RACGAP1: variants seen among roughly 807,000 people sequenced by gnomAD.
RACGAP1 encodes Rac GTPase activating protein 1.
In RACGAP1, 30 loss-of-function variants were observed where a neutral mutation model predicts 78.1. The ratio of observed to expected loss-of-function variants is 0.38; its 90% confidence interval spans 0.29 to 0.52. The LOEUF is 0.52. Ranked by LOEUF, RACGAP1 falls within the 20% of genes least tolerant of loss-of-function variation. RACGAP1 has a pLI of 0.82. For synonymous variants in RACGAP1, 231 were observed against 264.8 expected (o/e 0.87, Z 1.24); for missense variants, 587 against 777.1 (o/e 0.76, Z 2.91).
chr12:49,992,448 A>G, intron 13 of RACGAP1, 71 bp from the exon 14 acceptor site: 1 of 1,588,058 alleles, frequency 6.3e-7, no homozygotes, highest in Non-Finnish European at 8.6e-7. Flanking sequence ...AAATTCTATA[A>G]GAAAACAATT....
At chr12:49,994,371 AAC>A in intron 11 of RACGAP1, 41 bp downstream of exon 11, 1 of 1,612,868 alleles carries the variant, frequency 6.2e-7, no homozygotes, top group Non-Finnish European at 8.5e-7. Context: ...CCTCCGAATT[AAC>A]ACAAATAACA....
chr12:50,012,995 G>A (rs943409988), intron 2 of RACGAP1, among the ~76,000 whole-genome samples: 36 of 147,554 alleles, frequency 2.4e-4, no homozygotes, highest in African/African-American at 8.2e-4. Flanking sequence ...CCTGGGAGGC[G>A]GAGGTTGCAG....
intron 15 of RACGAP1, 62 bp from the exon 16 acceptor site, chr12:49,990,854 CT>C (rs1427002523): frequency 7.5e-7 from 1 of 1,326,612 alleles, no homozygotes. Flanking sequence ...TTTTAGATGG[CT>C]AGTTTTAAGC....
chr12:50,023,823 C>T (rs1950133500), intron 1 of RACGAP1, among the ~76,000 whole-genome samples: 1 of 152,156 alleles, frequency 6.6e-6, no homozygotes, highest in African/African-American at 2.4e-5. Flanking sequence ...AAAAATGGAA[C>T]TACCATTCAA....
rs76733686 is a variant in RACGAP1 at position 50,002,103 on chromosome 12, T to C, written c.549+144A>G. 1.9e-3 allele frequency: 901 copies of C among 478,464 alleles called. 23 individuals are homozygous for C. The East Asian group carries it at 0.03, about 16-fold the overall frequency. 29.6% of individuals were successfully genotyped at this position (478,464 alleles called of 1,614,324 possible). On this transcript the variant is annotated intron_variant, in intron 6 of 16. Coordinates refer to ENST00000312377, the MANE Select transcript of RACGAP1 (RefSeq NM_001319999.2). ...AAAAAAAAAAAAAGAATATCAATAC[T>C]GTCCCCACAGCATGAATTCATCTGT...
chr12:49,990,589 A>G, intron 16 of RACGAP1, 95 bp downstream of exon 16: 1 of 1,040,490 alleles, frequency 9.6e-7, no homozygotes, highest in Non-Finnish European at 1.4e-6. Flanking sequence ...GCTAGCTAAA[A>G]TCGAATGCAA....
At chr12:50,032,194 G>A (rs1204462069) in intron 1 of RACGAP1, among the ~76,000 whole-genome samples, 3 of 152,046 alleles carry the variant, frequency 2.0e-5, no homozygotes, top group East Asian at 1.9e-4. Context: ...TAGGGTTGTC[G>A]AGAGGAATAA....
At chr12:49,991,480 T>TATATATATATGTA (rs1555169073) in intron 15 of RACGAP1, among the ~76,000 whole-genome samples, 1 of 13,268 alleles carries the variant, frequency 7.5e-5, no homozygotes, top group Non-Finnish European at 1.7e-4. Flanking sequence ...TATATATATA[T>TATATATATATGTA]TTTTTTTTTT....
intron 9 of RACGAP1, among the ~76,000 whole-genome samples, chr12:49,998,710 G>A (rs1389862061): frequency 2.6e-5 from 4 of 152,080 alleles, no homozygotes; most frequent in Admixed American, 2.6e-4. Context: ...ACCAGCCTGA[G>A]CAACATAGCA....
chr12:50,023,506 G>A (rs746972866), intron 1 of RACGAP1, among the ~76,000 whole-genome samples: 18 of 152,210 alleles, frequency 1.2e-4, no homozygotes, highest in Admixed American at 2.6e-4. Flanking sequence ...GGCCAAGGCA[G>A]TCTGATCACT....
chr12:50,004,550 G>C (rs1306101443), intron 4 of RACGAP1, among the ~76,000 whole-genome samples: 4 of 152,226 alleles, frequency 2.6e-5, no homozygotes, highest in African/African-American at 9.6e-5. Context: ...TATAAGGGCA[G>C]TTGAAAGTTA....
Position 50,005,657 on chromosome 12 carries a change from T to G in RACGAP1, c.289-265A>C, listed in dbSNP as rs183669020. ...TTAACCTGCTAATCCAAGAGGAGAA[T>G]AATGCAAAATGAGAGTCCCAAAATA... On this transcript the variant is annotated intron_variant, in intron 3 of 16. Transcript: ENST00000312377. 2.0e-5 allele frequency among the ~76,000 whole-genome samples: 3 copies of G among 152,318 alleles called. No individual in the cohort carries two copies. In the East Asian group the frequency reaches 5.8e-4, roughly 29 times the overall value.
At chr12:49,994,082 A>G in intron 12 of RACGAP1, 49 bp downstream of exon 12, 1 of 1,474,106 alleles carries the variant, frequency 6.8e-7, no homozygotes, top group Non-Finnish European at 9.2e-7. Flanking sequence ...GAGTAAGAAA[A>G]ACTACTGCCG....
rs1555169074 is a variant in RACGAP1 at position 49,991,479 on chromosome 12, A to ATATATAT, written c.1714+518_1714+519insATATATA. On this transcript the variant is annotated intron_variant, in intron 15 of 16. Coordinates refer to ENST00000312377, the MANE Select transcript of RACGAP1 (RefSeq NM_001319999.2). ...CTATTATATATATATATATATATAT[A>ATATATAT]TTTTTTTTTTTTTTTTTTTTTTTTT... Among the ~76,000 whole-genome samples, 15 of 24,092 alleles carry ATATATAT rather than the reference A, an allele frequency of 6.2e-4. 1 individual carries two copies. The highest frequency in any genetic ancestry group is 1.6e-3 in the South Asian group (1 of 628). 15.8% of individuals were successfully genotyped at this position (24,092 alleles called of 152,430 possible). A position where few individuals can be genotyped will look rare whatever the true frequency, so the allele number is the denominator to read the frequency against.
At chr12:50,012,511 C>T (rs1226929609) in intron 2 of RACGAP1, among the ~76,000 whole-genome samples, 2 of 149,522 alleles carry the variant, frequency 1.3e-5, no homozygotes, top group Admixed American at 6.6e-5. Context: ...CGGTAAGCCA[C>T]GATTGTGCCA....
In RACGAP1 at chr12:49,990,093, G is replaced by A. The variant is rs1947731119; in HGVS notation, c.*175C>T. ...AAGTGCTGATATTATGTGACTTGAG[G>A]AGAAGGAAGGGGAGATATATATAGT... On this transcript the variant is annotated 3_prime_UTR_variant, in exon 17 of 17. Coordinates refer to ENST00000312377, the MANE Select transcript of RACGAP1 (RefSeq NM_001319999.2). 15 of 498,120 alleles carry A rather than the reference G, an allele frequency of 3.0e-5. No individual in the cohort carries two copies. The East Asian group carries it at 4.0e-4, about 13-fold the overall frequency. The allele number at this position is 498,120 out of a possible 1,614,324, so 30.9% of individuals were successfully genotyped here.
chr12:49,996,628 T>TATAAAAAA, intron 10 of RACGAP1, among the ~76,000 whole-genome samples: 1 of 18,996 alleles, frequency 5.3e-5, no homozygotes, highest in East Asian at 2.3e-3. Context: ...GCAATAGAGC[T>TATAAAAAA]AAAAAAAAAA....
intron 15 of RACGAP1, among the ~76,000 whole-genome samples, chr12:49,991,481 T>A (rs1025620890): frequency 0.015 from 133 of 9,112 alleles, no homozygotes; most frequent in Middle Eastern, 0.05. Flanking sequence ...ATATATATAT[T>A]TTTTTTTTTT....
chr12:50,018,026 T>C (rs536503120), intron 1 of RACGAP1, among the ~76,000 whole-genome samples: 1 of 152,042 alleles, frequency 6.6e-6, no homozygotes, highest in Admixed American at 6.6e-5. Flanking sequence ...GGCACAGTTA[T>C]GTGTGCCTGT....
Sources: gnomAD v4.1 joint callset for allele counts (sites outside exome capture counted in the v4.1 genomes callset) on GRCh38, gnomAD v4.1.1 for gene constraint, MANE v1.5 for transcripts, NCBI Gene and HGNC (gene_info 2026-07-23, HGNC 2026-07-21) for gene names.